Variants in EVC2 observed in about 807,000 individuals in gnomAD.
EVC2 encodes limbin.
In EVC2, 148 loss-of-function variants were observed where a neutral mutation model predicts 149.3. The ratio of observed to expected loss-of-function variants is 0.99; its 90% CI spans 0.87 to 1.14. The LOEUF (loss-of-function observed/expected upper bound fraction) is 1.14, where lower values mean the gene tolerates loss of function less well. Ranked by LOEUF, EVC2 falls within the 50% of genes most tolerant of loss-of-function variation. EVC2 has a pLI of 0.00. For synonymous variants in EVC2, 776 were observed against 649.9 expected (o/e 1.19, Z -2.95); for missense variants, 1,854 against 1,627.3 (o/e 1.14, Z -2.40).
chr4:5,539,688 A>G (rs1204336979), downstream of EVC2, among the ~76,000 whole-genome samples: 2 of 152,188 alleles, frequency 1.3e-5, no homozygotes, highest in African/African-American at 4.8e-5. Context: ...TGGAAAAAAC[A>G]GTCTTTTCAA....
intron 16 of EVC2, among the ~76,000 whole-genome samples, chr4:5,585,706 A>C (rs2108790040): frequency 6.6e-6 from 1 of 152,170 alleles, no homozygotes; most frequent in East Asian, 1.9e-4. Flanking sequence ...CAACCAGGGT[A>C]GTGAACACAT....
At position 5,636,768 on chromosome 4, in the gene EVC2, T is replaced by A. The variant is rs1403357036; in HGVS notation, c.1470+3746A>T. ...GATACTGCTCCTTTTGCTTTTCTTT[T>A]TTAAAACTAATTCTTGGTGGAATAA... On this transcript the variant is annotated intron_variant, in intron 10 of 21. Transcript: ENST00000344408. This position sits in a 1 kb window ranked among gnomAD's most constrained non-coding sequence, Gnocchi z 4.6. 6.6e-6 allele frequency among the ~76,000 whole-genome samples: 1 copy of A among 152,194 alleles called. No individual in the cohort carries two copies. The highest frequency in any genetic ancestry group is 6.5e-5 in the Admixed American group (1 of 15,276).
downstream of EVC2, among the ~76,000 whole-genome samples, chr4:5,538,460 C>G (rs1394950711): frequency 6.6e-6 from 1 of 152,130 alleles, no homozygotes; most frequent in Non-Finnish European, 1.5e-5. Flanking sequence ...TACTTTCCAA[C>G]TCATTTTATG....
chr4:5,681,440 G>A (rs1016485849), intron 6 of EVC2, 127 bp from the exon 7 acceptor site: 9 of 956,572 alleles, frequency 9.4e-6, no homozygotes, highest in Non-Finnish European at 1.5e-5. Context: ...GCACAGGTCA[G>A]AGCTTGTGAA....
At chr4:5,571,517 GA>G (rs546243800) in intron 19 of EVC2, among the ~76,000 whole-genome samples, 161 of 152,154 alleles carry the variant, frequency 1.1e-3, no homozygotes, top group African/African-American at 3.7e-3. Context: ...AGGCAAAGGA[GA>G]GTGACAGAGA....
chr4:5,703,999 G>T (rs542585882), intron 1 of EVC2, among the ~76,000 whole-genome samples: 6 of 152,176 alleles, frequency 3.9e-5, no homozygotes, highest in Non-Finnish European at 5.9e-5. Flanking sequence ...CACACCCAGG[G>T]TGTTCAAGGA....
At chr4:5,575,652 T>C (rs182018886) in intron 18 of EVC2, among the ~76,000 whole-genome samples, 116 of 152,360 alleles carry the variant, frequency 7.6e-4, no homozygotes, top group African/African-American at 2.8e-3. Context: ...GTCCATTTTT[T>C]ATTCACAGTG....
the EVC2 span, among the ~76,000 whole-genome samples, chr4:5,535,484 A>G: frequency 6.6e-6 from 1 of 152,096 alleles, no homozygotes; most frequent in East Asian, 1.9e-4. The surrounding 1 kb of genome is among the most constrained non-coding windows in gnomAD (Gnocchi z 4.7). Context: ...TCGGACTGCT[A>G]TAACAAATTA....
the EVC2 span, among the ~76,000 whole-genome samples, chr4:5,530,196 G>A: frequency 1.3e-5 from 2 of 152,174 alleles, no homozygotes; most frequent in Non-Finnish European, 2.9e-5. Context: ...GTCCTTACCT[G>A]TAGGGGCACT....
chr4:5,688,004 A>C lies in EVC2; in HGVS notation c.706+1153T>G, dbSNP rs112522362. ...CCCAGGTCCATCTGAGGCTGCATCTATGCTCTGCTCGTGGCTCCATGCTCC... is the reference window on the plus strand; with the variant it reads ...CCCAGGTCCATCTGAGGCTGCATCTCTGCTCTGCTCGTGGCTCCATGCTCC... On this transcript the variant is annotated intron_variant, in intron 5 of 21. Transcript: ENST00000344408. 7.1e-3 allele frequency among the ~76,000 whole-genome samples: 1,088 copies of C among 152,274 alleles called. 19 individuals are homozygous for C. The highest frequency in any genetic ancestry group is 0.025 in the African/African-American group (1,036 of 41,556).
At chr4:5,705,258 G>A (rs1209442759) in intron 1 of EVC2, among the ~76,000 whole-genome samples, 1 of 152,182 alleles carries the variant, frequency 6.6e-6, no homozygotes, top group Non-Finnish European at 1.5e-5. Context: ...ATCCCATTCT[G>A]AAATAGACAC....
chr4:5,606,252 C>T (rs1714384764), intron 16 of EVC2, among the ~76,000 whole-genome samples: 3 of 152,220 alleles, frequency 2.0e-5, no homozygotes, highest in South Asian at 2.1e-4. Context: ...GGAAAACACC[C>T]AGCCTTTTTG....
chr4:5,604,565 A>G (rs73061774), intron 16 of EVC2, among the ~76,000 whole-genome samples: 5,387 of 152,246 alleles, frequency 0.035, 313 homozygotes, highest in African/African-American at 0.12. Context: ...TGGGGGAGAC[A>G]AAAGAGGCTG....
intron 10 of EVC2, among the ~76,000 whole-genome samples, chr4:5,639,235 T>C (rs1717131002): frequency 6.6e-6 from 1 of 152,172 alleles, no homozygotes; most frequent in African/African-American, 2.4e-5. Context: ...AGAAGCTTGT[T>C]CTTAAGTAGT....
chr4:5,638,930 G>T (rs1259252447), intron 10 of EVC2, among the ~76,000 whole-genome samples: 1 of 150,438 alleles, frequency 6.6e-6, no homozygotes, highest in Non-Finnish European at 1.5e-5. Context: ...TTATATAACA[G>T]AAAAAAATTC....
At chr4:5,630,002 TGA>T (rs1233053419) in intron 11 of EVC2, among the ~76,000 whole-genome samples, 1 of 152,254 alleles carries the variant, frequency 6.6e-6, no homozygotes, top group Non-Finnish European at 1.5e-5. Context: ...GCTCTGGCAT[TGA>T]GAGTCAGCCA....
intron 16 of EVC2, among the ~76,000 whole-genome samples, chr4:5,606,062 T>C (rs971245012): frequency 6.6e-6 from 1 of 152,206 alleles, no homozygotes; most frequent in Non-Finnish European, 1.5e-5. Context: ...CAGCAGAGGT[T>C]AGGAGAGGAG....
intron 9 of EVC2, among the ~76,000 whole-genome samples, chr4:5,641,087 T>C (rs1315252182): frequency 1.3e-5 from 2 of 152,186 alleles, no homozygotes; most frequent in Non-Finnish European, 2.9e-5. Context: ...CATGTTTCTG[T>C]CAACAAGTAA....
rs1308339212 is a variant in EVC2 at position 5,562,560 on chromosome 4, G to A, written c.*288C>T. ...CACAGACCATAGCTTCTGCAGCAGA[G>A]GATGGGGTGTGGATTGCAGGGTGGG... On this transcript the variant is annotated 3_prime_UTR_variant, in exon 22 of 22. Coordinates refer to ENST00000344408, the MANE Select transcript of EVC2 (RefSeq NM_147127.5). This position sits in a 1 kb window ranked among gnomAD's most constrained non-coding sequence, Gnocchi z 4.3. 2 of 1,326,316 alleles carry A rather than the reference G, an allele frequency of 1.5e-6. No homozygotes were observed. Among genetic ancestry groups the A allele is most frequent in the Admixed American group, 6.6e-5 (2 of 30,350 alleles). 82.2% of individuals were successfully genotyped at this position (1,326,316 alleles called of 1,614,324 possible).
Sources: allele counts gnomAD v4.1 joint callset (sites outside exome capture counted in the v4.1 genomes callset), GRCh38; gene constraint gnomAD v4.1.1; non-coding constraint Gnocchi (gnomAD v3.1); transcripts MANE v1.5; gene names NCBI Gene and HGNC (gene_info 2026-07-23, HGNC 2026-07-21).